NPAS3: variants seen among roughly 807,000 people sequenced by gnomAD.
NPAS3 encodes neuronal PAS domain protein 3.
In NPAS3, 14 loss-of-function variants were observed where a neutral mutation model predicts 73.1. The ratio of observed to expected loss-of-function variants is 0.19; its 90% CI spans 0.13 to 0.30. The LOEUF (loss-of-function observed/expected upper bound fraction) is 0.30. NPAS3 is among the 10% of genes least tolerant of loss of function. The pLI, the probability that NPAS3 is intolerant of heterozygous loss-of-function variation, is 1.00. For synonymous variants in NPAS3, 620 were observed against 541.5 expected (o/e 1.14, Z -2.01); for missense variants, 1,096 against 1,250.0 (o/e 0.88, Z 1.86).
intron 4 of NPAS3, among the ~76,000 whole-genome samples, chr14:33,507,655 C>T (rs1170441457): frequency 2.6e-5 from 4 of 151,958 alleles, no homozygotes; most frequent in Non-Finnish European, 4.4e-5. Context: ...GAAATGTGCC[C>T]TGACCATGGA....
chr14:33,060,962 T>C (rs956188180), intron 2 of NPAS3, among the ~76,000 whole-genome samples: 5 of 152,304 alleles, frequency 3.3e-5, no homozygotes, highest in Middle Eastern at 3.4e-3. Context: ...AAGGCTGGCC[T>C]TGGCCAAGAA....
At chr14:33,340,887 T>G (rs1487836177) in intron 3 of NPAS3, among the ~76,000 whole-genome samples, 2 of 152,216 alleles carry the variant, frequency 1.3e-5, no homozygotes, top group Non-Finnish European at 2.9e-5. Context: ...ACGTAAAAAT[T>G]ATTGTGTCTT....
chr14:33,702,654 G>C (rs2140456354), intron 6 of NPAS3, among the ~76,000 whole-genome samples: 1 of 152,236 alleles, frequency 6.6e-6, no homozygotes, highest in African/African-American at 2.4e-5. Context: ...ATCTTTTTAA[G>C]AGTAACTTAT....
intron 4 of NPAS3, among the ~76,000 whole-genome samples, chr14:33,512,692 G>A (rs913673594): frequency 2.0e-5 from 3 of 151,978 alleles, no homozygotes; most frequent in African/African-American, 7.2e-5. Context: ...TTCTTCTGTG[G>A]CAAGGTCAGA....
At chr14:33,769,129 CA>C (rs1158192106) in intron 7 of NPAS3, among the ~76,000 whole-genome samples, 1 of 152,198 alleles carries the variant, frequency 6.6e-6, no homozygotes, top group Non-Finnish European at 1.5e-5. Context: ...TTCAGCTACT[CA>C]AAGTGGGTAA....
chr14:33,548,298 T>A (rs1484157573), intron 4 of NPAS3, among the ~76,000 whole-genome samples: 1 of 152,194 alleles, frequency 6.6e-6, no homozygotes, highest in African/African-American at 2.4e-5. Flanking sequence ...TCATCAAATG[T>A]AGTGAATGGT....
intron 2 of NPAS3, among the ~76,000 whole-genome samples, chr14:33,080,124 T>G (rs9322918): frequency 0.33 from 50,422 of 151,680 alleles, 8,561 homozygotes; most frequent in African/African-American, 0.43. Context: ...TTAATTTTTT[T>G]GGGACGGAGT....
chr14:33,565,623 A>G (rs2055887317), intron 5 of NPAS3, among the ~76,000 whole-genome samples: 1 of 148,704 alleles, frequency 6.7e-6, no homozygotes, highest in African/African-American at 2.5e-5. Context: ...AGTGGGGTTG[A>G]AAAAAAAAAG....
intron 3 of NPAS3, among the ~76,000 whole-genome samples, chr14:33,263,608 T>C (rs1008216950): frequency 2.0e-5 from 3 of 152,276 alleles, no homozygotes; most frequent in African/African-American, 7.2e-5. Context: ...TGCAGGCTCT[T>C]TTTTGGTTCC....
chr14:33,715,846 G>T (rs10143979), intron 6 of NPAS3, among the ~76,000 whole-genome samples: 9,525 of 152,158 alleles, frequency 0.063, 999 homozygotes, highest in African/African-American at 0.22. Context: ...GTTTTCTCAT[G>T]GTAGTTGAGT....
intron 11 of NPAS3, among the ~76,000 whole-genome samples, chr14:33,798,150 G>A (rs1460190264): frequency 6.6e-6 from 1 of 152,118 alleles, no homozygotes; most frequent in Non-Finnish European, 1.5e-5. Context: ...CTAAAGTAGG[G>A]TACTTAATGG....
intron 4 of NPAS3, among the ~76,000 whole-genome samples, chr14:33,504,954 G>C (rs1473265414): frequency 6.6e-6 from 1 of 151,984 alleles, no homozygotes; most frequent in Non-Finnish European, 1.5e-5. Flanking sequence ...TGCTTCAAAT[G>C]AATGGGAGAA....
intron 5 of NPAS3, among the ~76,000 whole-genome samples, chr14:33,575,105 A>C (rs999388655): frequency 6.6e-6 from 1 of 152,216 alleles, no homozygotes; most frequent in Non-Finnish European, 1.5e-5. Flanking sequence ...GTCCTGCCCC[A>C]AGACAAAAAT....
At chr14:33,643,622 G>T (rs1440884405) in intron 5 of NPAS3, among the ~76,000 whole-genome samples, 1 of 152,146 alleles carries the variant, frequency 6.6e-6, no homozygotes, top group Non-Finnish European at 1.5e-5. Flanking sequence ...TCAGAAAGCT[G>T]ATTGGTAGCA....
chr14:33,051,296 A>AAAAAAAAAAAAG (rs771840433), intron 1 of NPAS3, among the ~76,000 whole-genome samples: 131 of 142,524 alleles, frequency 9.2e-4, no homozygotes, highest in African/African-American at 2.2e-3. Context: ...AAAAAAAAAA[A>AAAAAAAAAAAAG]AGAGAGACTA....
chr14:32,962,423 G>C (rs563771260), intron 1 of NPAS3, among the ~76,000 whole-genome samples: 1 of 152,142 alleles, frequency 6.6e-6, no homozygotes, highest in South Asian at 2.1e-4. Flanking sequence ...AGAAGATACT[G>C]TGTTTATAAA....
At chr14:33,531,625 G>A (rs1197661197) in intron 4 of NPAS3, among the ~76,000 whole-genome samples, 1 of 152,100 alleles carries the variant, frequency 6.6e-6, no homozygotes, top group Non-Finnish European at 1.5e-5. Flanking sequence ...GATGAGCAGA[G>A]TTGTTATAAA....
At chr14:33,313,857 C>T (rs759646376) in intron 3 of NPAS3, among the ~76,000 whole-genome samples, 7 of 151,930 alleles carry the variant, frequency 4.6e-5, no homozygotes, top group Non-Finnish European at 8.8e-5. Flanking sequence ...TTAAGCATCC[C>T]TTTTGGTCAC....
At chr14:33,455,872 C>A (rs1020093193) in intron 4 of NPAS3, among the ~76,000 whole-genome samples, 3 of 152,078 alleles carry the variant, frequency 2.0e-5, no homozygotes, top group Non-Finnish European at 4.4e-5. Flanking sequence ...CTGTTTCCTG[C>A]AAAGCATCTG....
Sources: allele counts gnomAD v4.1 joint callset (sites outside exome capture counted in the v4.1 genomes callset), GRCh38; gene constraint gnomAD v4.1.1; transcripts MANE v1.5; gene names NCBI Gene and HGNC (gene_info 2026-07-23, HGNC 2026-07-21).